Variants in LRRC37A3 observed in about 807,000 individuals in gnomAD.
LRRC37A3 encodes leucine-rich repeat-containing protein 37A3.
A neutral mutation model predicts 106.2 loss-of-function variants in LRRC37A3; 25 were observed. That is an observed-to-expected ratio of 0.24 (90% CI 0.17 to 0.33). The LOEUF is 0.33. Among genes scored for constraint, LRRC37A3 ranks in the 10% least tolerant of loss-of-function variants. LRRC37A3 has a pLI of 1.00. For missense variants in LRRC37A3, 712 were observed against 1,644.9 expected, an observed-to-expected ratio of 0.43 and a Z score of 9.81; for synonymous variants, 305 against 635.8, an observed-to-expected ratio of 0.48 and a Z score of 7.83.
intron 10 of LRRC37A3, among the ~76,000 whole-genome samples, chr17:64,866,626 A>T (rs1435188307): frequency 1.9e-3 from 42 of 22,514 alleles, no homozygotes; most frequent in African/African-American, 5.9e-3. Flanking sequence ...ATATATATAT[A>T]TATTTTTTTT....
chr17:64,860,531 C>T lies in LRRC37A3; in HGVS notation c.3615G>A (p.Arg1205=). 3 of 1,612,840 alleles carry T rather than the reference C, an allele frequency of 1.9e-6. No individual in the cohort carries two copies. The highest frequency in any genetic ancestry group is 2.5e-6 in the Non-Finnish European group (3 of 1,179,864). The change falls in exon 12 of 15, where the codon AGG becomes AGA. Residue 1205 remains arginine (R), a synonymous_variant. Transcript: ENST00000584306. ...ASVENTAEEK[R]LGSPAPRELK... is the part of the protein sequence containing the mutation. ...GCTCCCTTGGGGCTGGACTTCCGAG[C>T]CTTTTTTCTTCGGCAGTGTTCTCCA...
intron 13 of LRRC37A3, among the ~76,000 whole-genome samples, chr17:64,858,308 G>A (rs1430545601): frequency 1.3e-5 from 2 of 152,204 alleles, no homozygotes; most frequent in Non-Finnish European, 2.9e-5. Flanking sequence ...TTACACACTG[G>A]AGGACGATAC....
chr17:64,854,919 C>CG (rs1239017180), intron 14 of LRRC37A3, among the ~76,000 whole-genome samples: 6 of 152,230 alleles, frequency 3.9e-5, no homozygotes, highest in Non-Finnish European at 8.8e-5. Flanking sequence ...CTCCCTGCAA[C>CG]CTGCGCCTCC....
At position 64,863,018 on chromosome 17, in the gene LRRC37A3, C is replaced by A. The variant is rs1465215047; in HGVS notation, c.3054G>T (p.Leu1018=). The A allele has an allele frequency of 6.3e-7, 1 of 1,597,788 alleles. No individual in the cohort carries two copies. Among genetic ancestry groups the A allele is most frequent in the South Asian group, 1.1e-5 (1 of 91,002 alleles). ...ILMMTVELEK[L]IVPSHMACCL... ...AGCAGGCCATATGGCTAGGTACGATCCTATAGATGAAAACAGAGAGCAATA... is the reference window on the plus strand; with the variant it reads ...AGCAGGCCATATGGCTAGGTACGATACTATAGATGAAAACAGAGAGCAATA... The change falls in exon 11 of 15, where the codon CTG becomes CTT. Residue 1018 remains leucine, a splice_region_variant and synonymous_variant. Coordinates refer to ENST00000584306, the MANE Select transcript of LRRC37A3 (RefSeq NM_199340.5).
rs938055999 is a variant in LRRC37A3, at chr17:64,897,126, C to G, written c.132G>C (p.Lys44Asn). Residue 44 changes from lysine to asparagine, a missense_variant, in exon 4 of 15, where the codon AAG (lysine) becomes AAC (asparagine). Transcript: ENST00000584306. ...GGTTAGAGGTCAGCTGGAGCGGGTC[C>G]TTGACCCACTCCAGAGGCTGAGCCT... is the stretch of plus-strand genomic sequence containing the variant. Reference protein sequence around the residue: ...VKEAQPLEWVKDPLQLTSNPL... With the variant: ...VKEAQPLEWVNDPLQLTSNPL... 1 of 1,608,072 alleles carries G rather than the reference C, an allele frequency of 6.2e-7. No individual in the cohort carries two copies.
intron 2 of LRRC37A3, among the ~76,000 whole-genome samples, chr17:64,917,235 G>T (rs1220115387): frequency 1.9e-5 from 2 of 104,630 alleles, no homozygotes; most frequent in Non-Finnish European, 3.4e-5. Context: ...AACAGAGCCA[G>T]ACTCCATCTC....
At chr17:64,878,126 T>G (rs1010126430) in intron 8 of LRRC37A3, among the ~76,000 whole-genome samples, 19 of 152,196 alleles carry the variant, frequency 1.2e-4, no homozygotes, top group African/African-American at 4.6e-4. Flanking sequence ...CAAACTGGAT[T>G]TTTTTTCTTT....
chr17:64,855,317 C>T (rs890510777), intron 14 of LRRC37A3, among the ~76,000 whole-genome samples: 3 of 151,266 alleles, frequency 2.0e-5, no homozygotes, highest in African/African-American at 7.3e-5. Flanking sequence ...TTGAAGGAGA[C>T]AAGTGCCCTC....
intron 8 of LRRC37A3, among the ~76,000 whole-genome samples, chr17:64,881,732 C>T (rs1220744627): frequency 6.6e-6 from 1 of 151,074 alleles, no homozygotes; most frequent in East Asian, 1.9e-4. Flanking sequence ...GTTTACAGCA[C>T]AAAGCAATTT....
rs745828439 is a variant in LRRC37A3 at position 64,859,784 on chromosome 17, C to G, written c.4362G>C (p.Leu1454=). ...AATTGAAGCTTTTGGGCTCGGGGGACAGGTCAGTGCCCACGTTGTTGTATT... is the reference window on the plus strand; with the variant it reads ...AATTGAAGCTTTTGGGCTCGGGGGAGAGGTCAGTGCCCACGTTGTTGTATT... ...KWEYNNVGTD[L]SPEPKSFNYP... is the part of the protein sequence containing the mutation. The change falls in exon 12 of 15, where the codon CTG becomes CTC. Residue 1454 remains leucine, a synonymous_variant. Coordinates refer to ENST00000584306, the MANE Select transcript of LRRC37A3 (RefSeq NM_199340.5). 1.9e-6 allele frequency: 3 copies of G among 1,612,302 alleles called. No homozygotes were observed. The highest frequency in any genetic ancestry group is 2.2e-5 in the East Asian group (1 of 44,866).
At chr17:64,882,698 T>C (rs978936031) in intron 8 of LRRC37A3, among the ~76,000 whole-genome samples, 9 of 151,164 alleles carry the variant, frequency 6.0e-5, no homozygotes, top group Non-Finnish European at 1.2e-4. Flanking sequence ...CGAAGCTCAA[T>C]TTGCCATCAC....
chr17:64,863,971 A>AT (rs1218172930), intron 10 of LRRC37A3, among the ~76,000 whole-genome samples: 3,278 of 128,982 alleles, frequency 0.025, 107 homozygotes, highest in African/African-American at 0.073. Flanking sequence ...TGCCCAGCTA[A>AT]TTTTTTTTTT....
chr17:64,877,488 C>A (rs1399790045), intron 8 of LRRC37A3, among the ~76,000 whole-genome samples: 1 of 152,180 alleles, frequency 6.6e-6, no homozygotes, highest in Non-Finnish European at 1.5e-5. Context: ...AGGCATGAGC[C>A]ACTGCACCCT....
rs1428072147 is a variant in LRRC37A3, at chr17:64,859,670, C to T, written c.4476G>A (p.Arg1492=). ...QSVIPNNNVR[R]LIAHVIRTLK... ...AGGTCCGGATAACATGAGCAATGAG[C>T]CTTCTCACATTGTTGTTGGGGATAA... The change falls in exon 12 of 15, where the codon AGG becomes AGA. Residue 1492 remains arginine (R), a synonymous_variant. Coordinates refer to ENST00000584306, the MANE Select transcript of LRRC37A3 (RefSeq NM_199340.5). The T allele has an allele frequency of 2.5e-6, 4 of 1,613,708 alleles. No individual in the cohort carries two copies. Among genetic ancestry groups the T allele is most frequent in the African/African-American group, 1.3e-5 (1 of 74,846 alleles).
At chr17:64,916,190 G>C (rs1974696829) in intron 2 of LRRC37A3, among the ~76,000 whole-genome samples, 1 of 152,084 alleles carries the variant, frequency 6.6e-6, no homozygotes. Context: ...AGGATCACAA[G>C]GTCAGGAGAT....
chr17:64,872,953 C>G (rs932783088), intron 8 of LRRC37A3, among the ~76,000 whole-genome samples: 3 of 152,096 alleles, frequency 2.0e-5, no homozygotes, highest in African/African-American at 4.8e-5. Flanking sequence ...CACAGAGCCC[C>G]TTGGCAAAAA....
chr17:64,919,349 G>A, intron 1 of LRRC37A3, 82 bp downstream of exon 1: 1 of 378,590 alleles, frequency 2.6e-6, no homozygotes, highest in Non-Finnish European at 4.6e-6. Flanking sequence ...GGGTGGGGAG[G>A]CCAGAGGGGC....
intron 10 of LRRC37A3, among the ~76,000 whole-genome samples, chr17:64,867,346 C>G (rs1435207601): frequency 6.7e-6 from 1 of 150,220 alleles, no homozygotes; most frequent in Non-Finnish European, 1.5e-5. Flanking sequence ...CAGGCATGTG[C>G]CACCACACCT....
At position 64,854,536 on chromosome 17, in the gene LRRC37A3, T is replaced by C; in HGVS notation, c.*63A>G. 6.2e-7 allele frequency: 1 copy of C among 1,612,852 alleles called. No homozygotes were observed. Among genetic ancestry groups the C allele is most frequent in the Admixed American group, 1.7e-5 (1 of 59,990 alleles). On this transcript the variant is annotated 3_prime_UTR_variant, in exon 15 of 15. Transcript: ENST00000584306. ...GGCCGCTGGCTTCAGTCCTGCTTTT[T>C]TGATGGCCGTTGTTTACGCTATGTA...
Sources: gnomAD v4.1 joint callset for allele counts (sites outside exome capture counted in the v4.1 genomes callset) on GRCh38, gnomAD v4.1.1 for gene constraint, MANE v1.5 for transcripts, NCBI Gene and HGNC (gene_info 2026-07-23, HGNC 2026-07-21) for gene names.